PHACTR2: variants seen among roughly 807,000 people sequenced by gnomAD.
PHACTR2 encodes chromosome 6 open reading frame 56.
PHACTR2 carries 30 observed loss-of-function variants against 76.0 expected under a neutral mutation model. The ratio of observed to expected loss-of-function variants is 0.39; its 90% CI spans 0.30 to 0.54. The LOEUF (loss-of-function observed/expected upper bound fraction) is 0.54, where lower values mean the gene tolerates loss of function less well. Among genes scored for constraint, PHACTR2 ranks in the 20% least tolerant of loss-of-function variants. PHACTR2 has a pLI of 0.61. For missense variants in PHACTR2, 696 were observed against 781.1 expected, an observed-to-expected ratio of 0.89 and a Z score of 1.30; for synonymous variants, 292 against 292.5, an observed-to-expected ratio of 1.00 and a Z score of 0.02.
At chr6:143,593,067 A>G (rs1775710695) in intron 1 of PHACTR2, among the ~76,000 whole-genome samples, 1 of 151,412 alleles carries the variant, frequency 6.6e-6, no homozygotes, top group Non-Finnish European at 1.5e-5. Flanking sequence ...AAAAAAAAAA[A>G]AAAGGAACCC....
Position 143,803,763 on chromosome 6 carries a change from G to A in PHACTR2, c.1846-3294G>A, listed in dbSNP as rs761428122. On this transcript the variant is annotated intron_variant, in intron 11 of 12. Transcript: ENST00000440869. This position sits in a 1 kb window ranked among gnomAD's most constrained non-coding sequence, Gnocchi z 4.7. Reference sequence around the variant, plus strand: ...GAGAAATACTGTATTTTGTAAATAGGAATACCACTACTAAAACCATAATGC... The same window carrying A: ...GAGAAATACTGTATTTTGTAAATAGAAATACCACTACTAAAACCATAATGC... 1.3e-5 allele frequency among the ~76,000 whole-genome samples: 2 copies of A among 152,116 alleles called. No homozygotes were observed. The highest frequency in any genetic ancestry group is 2.9e-5 in the Non-Finnish European group (2 of 68,012).
chr6:143,799,700 G>T (rs763847784), intron 11 of PHACTR2, among the ~76,000 whole-genome samples: 9 of 152,214 alleles, frequency 5.9e-5, no homozygotes, highest in Non-Finnish European at 7.3e-5. Context: ...GCGGTTTTGA[G>T]TGAGATTCTT....
In PHACTR2 at chr6:143,789,120, T is replaced by G. The variant is rs1015698454; in HGVS notation, c.1845+210T>G. ...TAAGTCTCAGAGAAAAGTAGTTATT[T>G]ACCATATAACCTACCTGCTTTCATA... On this transcript the variant is annotated intron_variant, in intron 11 of 12. Coordinates refer to ENST00000440869, the MANE Select transcript of PHACTR2 (RefSeq NM_001100164.2). This position sits in a 1 kb window ranked among gnomAD's most constrained non-coding sequence, Gnocchi z 5.1. 2.3e-6 allele frequency: 1 copy of G among 437,496 alleles called. No individual in the cohort carries two copies. Among genetic ancestry groups the G allele is most frequent in the Non-Finnish European group, 4.1e-6 (1 of 241,450 alleles). The allele number at this position is 437,496 out of a possible 1,614,324, so 27.1% of individuals were successfully genotyped here. A position where few individuals can be genotyped will look rare whatever the true frequency, so the allele number is the denominator to read the frequency against.
At chr6:143,711,019 C>G (rs1778165109) in intron 1 of PHACTR2, 1 of 516,248 alleles carries the variant, frequency 1.9e-6, no homozygotes, top group African/African-American at 1.9e-5. Flanking sequence ...ACTTCACTGT[C>G]AGTTTACGGT....
chr6:143,564,593 G>A (rs182730244), intron 1 of PHACTR2, among the ~76,000 whole-genome samples: 26 of 152,266 alleles, frequency 1.7e-4, no homozygotes, highest in Non-Finnish European at 3.4e-4. Context: ...AGATCAAGAG[G>A]TGAATCGTGT....
rs929762479 is a variant in PHACTR2 at position 143,580,403 on chromosome 6, T to A, written c.217+43196T>A. On this transcript the variant is annotated intron_variant, in intron 1 of 11. Coordinates refer to the PHACTR2 transcript ENST00000367584. The surrounding 1 kb of genome is among the most constrained non-coding windows in gnomAD (Gnocchi z 4.2). ...TGGAGGCTGAGGCAGGAGAATGGCG[T>A]GAACCCAGGAGGCGGGGCTTGCAGT... is the stretch of plus-strand genomic sequence containing the variant. Among the ~76,000 whole-genome samples, 1 of 152,230 alleles carries A rather than the reference T, an allele frequency of 6.6e-6. No homozygotes were observed. Among genetic ancestry groups the A allele is most frequent in the African/African-American group, 2.4e-5 (1 of 41,464 alleles).
rs1202065652 is a variant in PHACTR2, at chr6:143,807,820, T to G, written c.1922+687T>G. Among the ~76,000 whole-genome samples, 1 of 152,210 alleles carries G rather than the reference T, an allele frequency of 6.6e-6. No individual in the cohort carries two copies. Among genetic ancestry groups the G allele is most frequent in the Non-Finnish European group, 1.5e-5 (1 of 68,032 alleles). ...GGTTACCTAACCCGGTAACAAATATTGATCCCCTAAGCTACAGCCATACAT... is the reference window on the plus strand; with the variant it reads ...GGTTACCTAACCCGGTAACAAATATGGATCCCCTAAGCTACAGCCATACAT... On this transcript the variant is annotated intron_variant, in intron 12 of 12. Transcript: ENST00000440869. This position sits in a 1 kb window ranked among gnomAD's most constrained non-coding sequence, Gnocchi z 5.5.
intron 1 of PHACTR2, among the ~76,000 whole-genome samples, chr6:143,699,413 A>G (rs1183849882): frequency 2.0e-5 from 3 of 152,286 alleles, no homozygotes; most frequent in South Asian, 2.1e-4. Context: ...TTCATTCTCA[A>G]TGCCAAAGGA....
chr6:143,712,306 C>A (rs1476598041), intron 2 of PHACTR2, 123 bp downstream of exon 2: 1 of 574,624 alleles, frequency 1.7e-6, no homozygotes, highest in Non-Finnish European at 2.7e-6. Context: ...AAATGAAATT[C>A]TTTATTTTAA....
Position 143,608,694 on chromosome 6 carries a change from C to T in PHACTR2, c.13+372C>T, listed in dbSNP as rs548246652. Among the ~76,000 whole-genome samples the T allele has an allele frequency of 6.6e-6, 1 of 152,134 alleles. No individual in the cohort carries two copies. Among genetic ancestry groups the T allele is most frequent in the South Asian group, 2.1e-4 (1 of 4,824 alleles). On this transcript the variant is annotated intron_variant, in intron 1 of 11. Coordinates refer to the PHACTR2 transcript ENST00000305766. This position sits in a 1 kb window ranked among gnomAD's most constrained non-coding sequence, Gnocchi z 4.6. Reference sequence around the variant, plus strand: ...GATGGAATTAAGTTAATGAGCTGAGCAAAAATTCTGTGTAAATATTACAAT... The same window carrying T: ...GATGGAATTAAGTTAATGAGCTGAGTAAAAATTCTGTGTAAATATTACAAT...
chr6:143,661,050 A>G (rs7741998), intron 1 of PHACTR2, among the ~76,000 whole-genome samples: 67,028 of 151,974 alleles, frequency 0.44, 14,939 homozygotes, highest in South Asian at 0.58. Context: ...ATCAGTTTTC[A>G]GATACTAGCT....
intron 1 of PHACTR2, among the ~76,000 whole-genome samples, chr6:143,593,948 T>C (rs1368944828): frequency 6.6e-6 from 1 of 152,248 alleles, no homozygotes; most frequent in Non-Finnish European, 1.5e-5. Flanking sequence ...GATGTAAGGC[T>C]GTAAACTAGC....
At chr6:143,667,252 C>G (rs1041213754) in intron 1 of PHACTR2, among the ~76,000 whole-genome samples, 2 of 152,136 alleles carry the variant, frequency 1.3e-5, no homozygotes, top group African/African-American at 4.8e-5. Flanking sequence ...TGTTTTGGTA[C>G]CAGTACCATG....
In PHACTR2 at chr6:143,664,057, C is replaced by T. The variant is rs1466993180; in HGVS notation, c.14-47959C>T. Among the ~76,000 whole-genome samples the T allele has an allele frequency of 6.6e-6, 1 of 151,812 alleles. No homozygotes were observed. The highest frequency in any genetic ancestry group is 1.5e-5 in the Non-Finnish European group (1 of 67,932). ...ATCATTGTAATTCTGTTAGTTTTTG[C>T]TTTAGATATATATATGGTTCTGATG... On this transcript the variant is annotated intron_variant, in intron 1 of 11. Transcript: ENST00000305766. This position sits in a 1 kb window ranked among gnomAD's most constrained non-coding sequence, Gnocchi z 5.1.
Position 143,700,593 on chromosome 6 carries a change from A to G in PHACTR2, c.47-11423A>G, listed in dbSNP as rs1777886650. ...GAGGGGGGGCGAGAGGAGAACTGTG[A>G]TATTTCAGTATATTTTATTTCACAA... On this transcript the variant is annotated intron_variant, in intron 1 of 12. Coordinates refer to ENST00000440869, the MANE Select transcript of PHACTR2 (RefSeq NM_001100164.2). The surrounding 1 kb of genome is among the most constrained non-coding windows in gnomAD (Gnocchi z 4.1). Among the ~76,000 whole-genome samples, 1 of 152,186 alleles carries G rather than the reference A, an allele frequency of 6.6e-6. No individual in the cohort carries two copies. Among genetic ancestry groups the G allele is most frequent in the African/African-American group, 2.4e-5 (1 of 41,446 alleles).
rs1778127261 is a variant in PHACTR2, at chr6:143,709,645, C to T, written c.47-2371C>T. On this transcript the variant is annotated intron_variant, in intron 1 of 12. Transcript: ENST00000440869. The surrounding 1 kb of genome is among the most constrained non-coding windows in gnomAD (Gnocchi z 4.4). ...GTAAAAATCCCATTTCTCCACCTGT[C>T]CTCTGTTGACATGCTGTGTATGTGT... is the stretch of plus-strand genomic sequence containing the variant. Among the ~76,000 whole-genome samples, 1 of 152,138 alleles carries T rather than the reference C, an allele frequency of 6.6e-6. No homozygotes were observed. Among genetic ancestry groups the T allele is most frequent in the African/African-American group, 2.4e-5 (1 of 41,418 alleles).
At chr6:143,813,617 CAAAA>C (rs373797909) in intron 12 of PHACTR2, among the ~76,000 whole-genome samples, 21 of 63,122 alleles carry the variant, frequency 3.3e-4, no homozygotes, top group African/African-American at 1.2e-3. Context: ...GACTCCGCCT[CAAAA>C]AAAAAAAAAA....
Position 143,774,238 on chromosome 6 carries a change from A to G in PHACTR2, c.1589+23A>G, listed in dbSNP as rs773709367. On this transcript the variant is annotated intron_variant, in intron 8 of 12. Transcript: ENST00000440869. This position sits in a 1 kb window ranked among gnomAD's most constrained non-coding sequence, Gnocchi z 5.4. The stretch of plus-strand genomic sequence containing the variant: ...CAGGTAATTGCTAACATTTTAGGAC[A>G]GTACTGACTAATTTGTATTTTTCTC... 1.3e-6 allele frequency: 2 copies of G among 1,596,046 alleles called. No homozygotes were observed. The highest frequency in any genetic ancestry group is 1.7e-5 in the Admixed American group (1 of 58,964).
intron 2 of PHACTR2, 68 bp from the exon 3 acceptor site, chr6:143,748,917 T>C: frequency 1.2e-6 from 1 of 832,420 alleles, no homozygotes. Context: ...TCAATTCTAC[T>C]TGGAATGTTT....
Sources: allele counts gnomAD v4.1 joint callset (sites outside exome capture counted in the v4.1 genomes callset), GRCh38; gene constraint gnomAD v4.1.1; non-coding constraint Gnocchi (gnomAD v3.1); transcripts MANE v1.5; gene names NCBI Gene and HGNC (gene_info 2026-07-23, HGNC 2026-07-21).